The following SLCO3A1 variants were observed in gnomAD, a reference collection of about 807,000 sequenced individuals.
The protein encoded by SLCO3A1 is PGE1 transporter.
In SLCO3A1, 27 loss-of-function variants were observed where a neutral mutation model predicts 63.1. That is an observed-to-expected ratio of 0.43 (90% confidence interval 0.32 to 0.59). SLCO3A1 has a LOEUF of 0.59. Among genes scored for constraint, SLCO3A1 ranks in the 20% least tolerant of loss-of-function variants. SLCO3A1 has a pLI of 0.09. For missense variants in SLCO3A1, 773 were observed against 945.8 expected (o/e 0.82, Z 2.40); for synonymous variants, 473 against 409.9 (o/e 1.15, Z -1.86).
intron 2 of SLCO3A1, among the ~76,000 whole-genome samples, chr15:91,997,811 G>C (rs571886777): frequency 6.6e-6 from 1 of 152,072 alleles, no homozygotes; most frequent in Non-Finnish European, 1.5e-5. Context: ...AGCCATATGC[G>C]GAAGACTGAA....
intron 2 of SLCO3A1, among the ~76,000 whole-genome samples, chr15:92,061,594 G>A (rs1228218032): frequency 6.6e-6 from 1 of 152,218 alleles, no homozygotes; most frequent in African/African-American, 2.4e-5. Context: ...TAGGGCTGTT[G>A]GCTGTTGGGA....
At chr15:92,117,991 A>G in intron 4 of SLCO3A1, among the ~76,000 whole-genome samples, 1 of 152,230 alleles carries the variant, frequency 6.6e-6, no homozygotes, top group Admixed American at 6.5e-5. Flanking sequence ...TATAAAGGTA[A>G]ACACTTCTAA....
intron 3 of SLCO3A1, among the ~76,000 whole-genome samples, chr15:92,095,712 T>C (rs1420515834): frequency 6.6e-6 from 1 of 152,158 alleles, no homozygotes; most frequent in Non-Finnish European, 1.5e-5. Flanking sequence ...ATATGCAGTG[T>C]AGGTCAGCAG....
At chr15:91,877,298 C>A (rs1386116516) in intron 1 of SLCO3A1, among the ~76,000 whole-genome samples, 2 of 152,108 alleles carry the variant, frequency 1.3e-5, no homozygotes, top group Admixed American at 6.6e-5. Context: ...TGATATCAGA[C>A]CTCCCTCTCT....
At chr15:92,147,896 A>T (rs766257157) in intron 8 of SLCO3A1, among the ~76,000 whole-genome samples, 1 of 152,214 alleles carries the variant, frequency 6.6e-6, no homozygotes, top group African/African-American at 2.4e-5. Context: ...GCTGCCATTC[A>T]TCTGAATCAG....
chr15:91,884,527 AAAAG>A (rs1237202313), intron 1 of SLCO3A1, among the ~76,000 whole-genome samples: 1 of 151,764 alleles, frequency 6.6e-6, no homozygotes, highest in African/African-American at 2.4e-5. Context: ...AAAAAAAAAA[AAAAG>A]GTGGAGGGGA....
chr15:92,071,196 C>T (rs1381938942), intron 2 of SLCO3A1, among the ~76,000 whole-genome samples: 5 of 152,136 alleles, frequency 3.3e-5, no homozygotes, highest in Admixed American at 3.3e-4. Context: ...CCTGGGGGCA[C>T]GTGACCTGAG....
chr15:92,171,567 G>A, intron 10 of SLCO3A1: 1 of 526,854 alleles, frequency 1.9e-6, no homozygotes, highest in Non-Finnish European at 3.4e-6. Flanking sequence ...TTCCCAGAAA[G>A]GATATTTGGC....
chr15:92,096,959 G>A (rs781506705), intron 3 of SLCO3A1, among the ~76,000 whole-genome samples: 4 of 152,172 alleles, frequency 2.6e-5, no homozygotes, highest in Non-Finnish European at 5.9e-5. Flanking sequence ...CATGAAGTGA[G>A]TCAGTTTCCA....
intron 2 of SLCO3A1, among the ~76,000 whole-genome samples, chr15:91,936,620 G>A (rs1340287415): frequency 2.6e-5 from 4 of 152,158 alleles, no homozygotes; most frequent in Non-Finnish European, 4.4e-5. Flanking sequence ...CATGTCGTGC[G>A]GCTTACAGGA....
chr15:92,028,029 AT>A (rs1376888363), intron 2 of SLCO3A1, among the ~76,000 whole-genome samples: 4 of 152,144 alleles, frequency 2.6e-5, no homozygotes, highest in Admixed American at 6.5e-5. Flanking sequence ...CTTCCCTAGA[AT>A]TTCTGCCGAG....
intron 2 of SLCO3A1, among the ~76,000 whole-genome samples, chr15:91,969,545 G>A (rs146471586): frequency 8.4e-4 from 128 of 152,112 alleles, no homozygotes; most frequent in Non-Finnish European, 1.3e-3. Flanking sequence ...CACCTCAGGT[G>A]GTCCACCCAC....
In SLCO3A1 at chr15:92,164,007, C is replaced by A; in HGVS notation, c.*872C>A. The A allele has an allele frequency of 1.0e-6, 1 of 985,008 alleles. No homozygotes were observed. The highest frequency in any genetic ancestry group is 1.2e-6 in the Non-Finnish European group (1 of 829,926). The allele number at this position is 985,008 out of a possible 1,614,324, so 61.0% of individuals were successfully genotyped here. A position where few individuals can be genotyped will look rare whatever the true frequency, so the allele number is the denominator to read the frequency against. On this transcript the variant is annotated 3_prime_UTR_variant, in exon 10 of 10. Coordinates refer to ENST00000318445, the MANE Select transcript of SLCO3A1 (RefSeq NM_013272.4). ...CAACGCAGTCCAAGTCATTTGCTTA[C>A]ATTTGCCAAAAACATTTTGCCATTT...
intron 7 of SLCO3A1, among the ~76,000 whole-genome samples, chr15:92,142,653 C>A (rs2048149216): frequency 6.6e-6 from 1 of 152,300 alleles, no homozygotes; most frequent in East Asian, 1.9e-4. Flanking sequence ...AATCCTGTGG[C>A]AGCTTAACCC....
chr15:92,032,167 A>G (rs1468922611), intron 2 of SLCO3A1, among the ~76,000 whole-genome samples: 1 of 152,222 alleles, frequency 6.6e-6, no homozygotes, highest in African/African-American at 2.4e-5. Flanking sequence ...GGGGGCCAGA[A>G]TGAGTTCTCT....
In SLCO3A1 at chr15:91,865,942, GTGTT is replaced by G. The variant is rs1471067143; in HGVS notation, c.180+11857_180+11860del. 6.6e-6 allele frequency among the ~76,000 whole-genome samples: 1 copy of G among 152,232 alleles called. No individual in the cohort carries two copies. The highest frequency in any genetic ancestry group is 1.5e-5 in the Non-Finnish European group (1 of 68,042). On this transcript the variant is annotated intron_variant, in intron 1 of 9. Transcript: ENST00000318445. The surrounding 1 kb of genome is among the most constrained non-coding windows in gnomAD (Gnocchi z 4.6). ...ACAAAGGCAAACTCTGTCTTCTTAAGTGTTTGGGTGAGGTAGGAGGATTGTTGGA... is the reference window on the plus strand; with the variant it reads ...ACAAAGGCAAACTCTGTCTTCTTAAGTGGGTGAGGTAGGAGGATTGTTGGA...
intron 1 of SLCO3A1, among the ~76,000 whole-genome samples, chr15:91,890,536 T>C (rs1398528811): frequency 6.6e-6 from 1 of 152,220 alleles, no homozygotes; most frequent in Non-Finnish European, 1.5e-5. Flanking sequence ...ATTCTTACTG[T>C]GCATTTCAAA....
intron 2 of SLCO3A1, among the ~76,000 whole-genome samples, chr15:92,082,034 G>T (rs2047352975): frequency 6.6e-6 from 1 of 152,224 alleles, no homozygotes; most frequent in African/African-American, 2.4e-5. Context: ...TGTAAACTTT[G>T]TGATGGAGAT....
Position 91,884,581 on chromosome 15 carries a change from T to TGAATAAATA in SLCO3A1, c.180+30493_180+30494insGAATAAATA, listed in dbSNP as rs1338942858. ...GAGCCTTTTTCTAATATTAAATTGT[T>TGAATAAATA]TTAAAATAAAACTTATTGATTTATT... On this transcript the variant is annotated intron_variant, in intron 1 of 9. Transcript: ENST00000318445. 5.9e-5 allele frequency among the ~76,000 whole-genome samples: 9 copies of TGAATAAATA among 152,236 alleles called. No homozygotes were observed. The East Asian group carries it at 1.7e-3, about 29-fold the overall frequency.
Sources: allele counts gnomAD v4.1 joint callset (sites outside exome capture counted in the v4.1 genomes callset), GRCh38; gene constraint gnomAD v4.1.1; non-coding constraint Gnocchi (gnomAD v3.1); transcripts MANE v1.5; gene names NCBI Gene and HGNC (gene_info 2026-07-23, HGNC 2026-07-21).